DCHS2: variants seen among roughly 807,000 people sequenced by gnomAD.
DCHS2 encodes the protein protocadherin-23.
DCHS2 carries 142 observed loss-of-function variants against 182.4 expected under a neutral mutation model. That is an observed-to-expected ratio of 0.78 (90% CI 0.68 to 0.89). DCHS2 has a LOEUF of 0.89. Ranked by LOEUF, DCHS2 falls within the 40% of genes least tolerant of loss-of-function variation. DCHS2 has a pLI of 0.00. For synonymous variants in DCHS2, 1,740 were observed against 1,663.3 expected (o/e 1.05, Z -1.12); for missense variants, 4,319 against 4,198.6 (o/e 1.03, Z -0.79).
chr4:154,338,528 A>AT (rs1272516347), intron 3 of DCHS2, among the ~76,000 whole-genome samples: 1 of 152,232 alleles, frequency 6.6e-6, no homozygotes, highest in Non-Finnish European at 1.5e-5. Context: ...GCAGGTTGTT[A>AT]TTTATGTACA....
At position 154,351,210 on chromosome 4, in the gene DCHS2, C is replaced by A. The variant is rs560179244; in HGVS notation, c.2476+15000G>T. On this transcript the variant is annotated intron_variant, in intron 3 of 19. Transcript: ENST00000357232. ...TGAAGGAAAAGCTTTTAAGTGACTCCAATAAAGTATGTACCAAAAGATGGT... is the reference window on the plus strand; with the variant it reads ...TGAAGGAAAAGCTTTTAAGTGACTCAAATAAAGTATGTACCAAAAGATGGT... 2.2e-3 allele frequency among the ~76,000 whole-genome samples: 342 copies of A among 152,122 alleles called. 2 individuals carry two copies. The highest frequency in any genetic ancestry group is 3.9e-3 in the Non-Finnish European group (264 of 68,000).
chr4:154,315,807 T>G lies in DCHS2; in HGVS notation c.5201A>C (p.Lys1734Thr). Residue 1734 changes from lysine to threonine, a missense_variant, in exon 10 of 20, where the codon AAA (lysine) becomes ACA (threonine). Coordinates refer to ENST00000357232, the MANE Select transcript of DCHS2 (RefSeq NM_001358235.2). ...FKQHLYEASV[K>T]ENQNPGEFVT... ...AAACTCCCCTGGATTTTGGTTTTCT[T>G]TCACTGAGGCTTCATACAGGTGCTG... is the stretch of plus-strand genomic sequence containing the variant. 1 of 1,614,102 alleles carries G rather than the reference T, an allele frequency of 6.2e-7. No homozygotes were observed. The highest frequency in any genetic ancestry group is 8.5e-7 in the Non-Finnish European group (1 of 1,179,986).
chr4:154,386,527 T>A (rs777667567), intron 1 of DCHS2, among the ~76,000 whole-genome samples: 1 of 152,156 alleles, frequency 6.6e-6, no homozygotes, highest in Non-Finnish European at 1.5e-5. Flanking sequence ...TTCAGAGAAC[T>A]TATCTCCAAG....
Position 154,270,013 on chromosome 4 carries a change from C to T in DCHS2, c.6464G>A (p.Gly2155Asp). 1 of 1,591,156 alleles carries T rather than the reference C, an allele frequency of 6.3e-7. No individual in the cohort carries two copies. Among genetic ancestry groups the T allele is most frequent in the East Asian group, 2.2e-5 (1 of 44,494 alleles). The change falls in exon 14 of 20, where the codon GGT becomes GAT. Residue 2155 changes from glycine to aspartate, a missense_variant and splice_region_variant. Coordinates refer to ENST00000357232, the MANE Select transcript of DCHS2 (RefSeq NM_001358235.2). ...AGCTTTAACAGTCACAATAGAAGTA[C>T]CTGTAAAAATTAGGTAAAAAAAGAA... is the stretch of plus-strand genomic sequence containing the variant. ...KGLVTENCEA[G>D]TSIVTVKAFA... is the part of the protein sequence containing the mutation.
chr4:154,400,471 TG>T (rs5863098), intron 1 of DCHS2, among the ~76,000 whole-genome samples: 107,188 of 151,608 alleles, frequency 0.71, 39,680 homozygotes, highest in Admixed American at 0.81. Flanking sequence ...GCTGTAAGGG[TG>T]GTTGAGTTAT....
At chr4:154,420,766 C>T (rs765556842) in intron 1 of DCHS2, among the ~76,000 whole-genome samples, 1 of 152,180 alleles carries the variant, frequency 6.6e-6, no homozygotes, top group East Asian at 1.9e-4. Flanking sequence ...CACAGCCATA[C>T]CCAGAAGTAA....
At chr4:154,450,734 G>A (rs1734496520) in intron 1 of DCHS2, among the ~76,000 whole-genome samples, 1 of 152,168 alleles carries the variant, frequency 6.6e-6, no homozygotes. Flanking sequence ...TTGGGAGGCT[G>A]AGGCAGTAGA....
At chr4:154,453,398 T>G (rs1734622618) in intron 1 of DCHS2, among the ~76,000 whole-genome samples, 1 of 151,742 alleles carries the variant, frequency 6.6e-6, no homozygotes, top group Admixed American at 6.6e-5. Context: ...ATAAAGATTT[T>G]TTTCACCGTT....
intron 1 of DCHS2, among the ~76,000 whole-genome samples, chr4:154,393,332 T>G (rs1731788849): frequency 6.6e-6 from 1 of 152,154 alleles, no homozygotes; most frequent in Non-Finnish European, 1.5e-5. Context: ...TCAACTAATC[T>G]CTCAGTGTTC....
rs1579090774 is a variant in DCHS2 at position 154,446,524 on chromosome 4, TTC to T, written c.2052+42778_2052+42779del. ...TATACTATTTAATCCTCAGAACAAC[TTC>T]AGGAGGTGGGTCCTATTATCATCTG... is the stretch of plus-strand genomic sequence containing the variant. On this transcript the variant is annotated intron_variant, in intron 1 of 19. Transcript: ENST00000357232. 2.0e-5 allele frequency among the ~76,000 whole-genome samples: 3 copies of T among 152,246 alleles called. No individual in the cohort carries two copies. The East Asian group carries it at 5.8e-4, about 29-fold the overall frequency.
chr4:154,342,270 T>G (rs1729144577), intron 3 of DCHS2, among the ~76,000 whole-genome samples: 2 of 152,154 alleles, frequency 1.3e-5, no homozygotes, highest in South Asian at 4.1e-4. Context: ...ATCTTCTTGC[T>G]GGTGGAGGGG....
chr4:154,315,679 A>C, intron 10 of DCHS2, 69 bp downstream of exon 10: 1 of 1,562,676 alleles, frequency 6.4e-7, no homozygotes, highest in Non-Finnish European at 8.6e-7. Context: ...AACTATTATA[A>C]ATTACGTCAA....
At chr4:154,384,604 A>C in intron 1 of DCHS2, 1 of 1,425,994 alleles carries the variant, frequency 7.0e-7, no homozygotes, top group Non-Finnish European at 9.3e-7. Flanking sequence ...TAAGTTGAGG[A>C]TTTTGAGAGG....
In DCHS2 at chr4:154,315,941, C is replaced by T; in HGVS notation, c.5067G>A (p.Gln1689=). 2 of 1,614,016 alleles carry T rather than the reference C, an allele frequency of 1.2e-6. No homozygotes were observed. ...TCPLDYEMKT[Q]HILTVLALDD... ...CCAGTGCCAGAACAGTCAGAATATG[C>T]TGAGTTTTCATTTCATAATCCAAAG... is the stretch of plus-strand genomic sequence containing the variant. The change falls in exon 10 of 20, where the codon CAG becomes CAA. Residue 1689 remains glutamine, a synonymous_variant. Transcript: ENST00000357232.
chr4:154,445,117 T>C (rs1734225342), intron 1 of DCHS2, among the ~76,000 whole-genome samples: 1 of 152,170 alleles, frequency 6.6e-6, no homozygotes, highest in South Asian at 2.1e-4. Flanking sequence ...ACTCATACAT[T>C]TGTCACTATG....
intron 12 of DCHS2, among the ~76,000 whole-genome samples, chr4:154,303,397 T>A (rs1735295850): frequency 6.6e-6 from 1 of 151,874 alleles, no homozygotes; most frequent in African/African-American, 2.4e-5. Context: ...AACACACCTT[T>A]GTTACTCTTT....
At chr4:154,446,297 G>A (rs1325300883) in intron 1 of DCHS2, among the ~76,000 whole-genome samples, 1 of 152,168 alleles carries the variant, frequency 6.6e-6, no homozygotes, top group African/African-American at 2.4e-5. Context: ...AGAGTCAAAT[G>A]TAGAGCACCA....
chr4:154,325,183 C>T (rs951392472), intron 7 of DCHS2, among the ~76,000 whole-genome samples: 1 of 151,972 alleles, frequency 6.6e-6, no homozygotes, highest in African/African-American at 2.4e-5. Context: ...ATCTCATTCC[C>T]CTCCTTTTTC....
intron 1 of DCHS2, among the ~76,000 whole-genome samples, chr4:154,447,587 T>A (rs537539288): frequency 6.6e-6 from 1 of 152,310 alleles, no homozygotes; most frequent in Non-Finnish European, 1.5e-5. Context: ...CCATACTGAA[T>A]TTCAAACTAT....
Sources: allele counts gnomAD v4.1 joint callset (sites outside exome capture counted in the v4.1 genomes callset), GRCh38; gene constraint gnomAD v4.1.1; transcripts MANE v1.5; gene names NCBI Gene and HGNC (gene_info 2026-07-23, HGNC 2026-07-21).